Variants in XRN1 observed in about 807,000 individuals in gnomAD.
XRN1 encodes the protein strand-exchange protein 1 homolog.
In XRN1, 67 loss-of-function variants were observed where a neutral mutation model predicts 222.3. The ratio of observed to expected loss-of-function variants is 0.30; its 90% CI spans 0.25 to 0.37. The LOEUF (loss-of-function observed/expected upper bound fraction) is 0.37, where lower values mean the gene tolerates loss of function less well. Ranked by LOEUF, XRN1 falls within the 10% of genes least tolerant of loss-of-function variation. The pLI is 1.00. For synonymous variants in XRN1, 643 were observed against 652.4 expected (o/e 0.99, Z 0.22); for missense variants, 1,707 against 2,000.2 (o/e 0.85, Z 2.80).
intron 32 of XRN1, among the ~76,000 whole-genome samples, chr3:142,347,603 T>C (rs2066182191): frequency 6.8e-6 from 1 of 148,120 alleles, no homozygotes; most frequent in South Asian, 2.1e-4. Context: ...AAATGCTACT[T>C]TTTTTTTTTT....
intron 33 of XRN1, 30 bp downstream of exon 33, chr3:142,347,204 A>G (rs2066170053): frequency 7.1e-7 from 1 of 1,413,052 alleles, no homozygotes; most frequent in Non-Finnish European, 9.9e-7. Flanking sequence ...AGCAGCACAC[A>G]CAAGTACACC....
intron 25 of XRN1, among the ~76,000 whole-genome samples, chr3:142,373,355 A>G (rs912412105): frequency 1.2e-4 from 18 of 152,130 alleles, no homozygotes; most frequent in African/African-American, 4.1e-4. Flanking sequence ...TAAAAGGATC[A>G]GTCCAGAAGG....
intron 29 of XRN1, among the ~76,000 whole-genome samples, chr3:142,363,689 T>C (rs1042958711): frequency 2.0e-5 from 3 of 152,174 alleles, no homozygotes; most frequent in Admixed American, 6.5e-5. Context: ...TTGTAAATTT[T>C]ACTCTAGCTT....
Position 142,400,842 on chromosome 3 carries a change from A to C in XRN1, c.2104-295T>G, listed in dbSNP as rs1203929136. Among the ~76,000 whole-genome samples, 6 of 152,260 alleles carry C rather than the reference A, an allele frequency of 3.9e-5. No individual in the cohort carries two copies. The South Asian group carries it at 1.2e-3, about 32-fold the overall frequency. On this transcript the variant is annotated intron_variant, in intron 18 of 40. Transcript: ENST00000392981. ...TGAGGCAGCAGAATCGCTTGAACCC[A>C]GGAGGCGGAGGTTGCAGTGAGGTGA...
At chr3:142,346,821 G>T (rs1188203395) in intron 33 of XRN1, among the ~76,000 whole-genome samples, 5 of 152,134 alleles carry the variant, frequency 3.3e-5, no homozygotes, top group Non-Finnish European at 4.4e-5. Flanking sequence ...TGAATCCATG[G>T]ATGTGGAACC....
Position 142,373,665 on chromosome 3 carries a change from C to T in XRN1, c.2978+2133G>A, listed in dbSNP as rs142607132. The stretch of plus-strand genomic sequence containing the variant: ...GGCTTTATCAACAGCAATATGGAAA[C>T]GAAAGGAGAATGGAACAGTGGTTTC... On this transcript the variant is annotated intron_variant, in intron 25 of 40. Transcript: ENST00000392981. Among the ~76,000 whole-genome samples the T allele has an allele frequency of 3.2e-3, 489 of 152,166 alleles. 2 individuals carry two copies. Among genetic ancestry groups the T allele is most frequent in the African/African-American group, 9.6e-3 (398 of 41,504 alleles).
intron 1 of XRN1, among the ~76,000 whole-genome samples, chr3:142,442,203 T>C (rs56044159): frequency 0.07 from 10,607 of 152,224 alleles, 1,247 homozygotes; most frequent in African/African-American, 0.24. Context: ...TTCCTAACTT[T>C]GGAGGGAACA....
chr3:142,312,688 C>G lies in XRN1; in HGVS notation c.4692G>C (p.Gly1564=), dbSNP rs748888902. ...AATATAAAGTATGATGGAAGGGCTT[C>G]CCAGGAACTGGCACCGATGGTCCCC... ...MPWGPSVPVP[G]KPFHHTLYSG... Residue 1564 remains glycine (G), a synonymous_variant, in exon 40 of 41, where the codon GGG becomes GGC. Transcript: ENST00000392981. 1 of 1,613,900 alleles carries G rather than the reference C, an allele frequency of 6.2e-7. No homozygotes were observed. Among genetic ancestry groups the G allele is most frequent in the South Asian group, 1.1e-5 (1 of 91,070 alleles).
At chr3:142,418,929 A>G (rs761612773) in intron 10 of XRN1, 48 bp from the exon 11 acceptor site, 1 of 1,540,944 alleles carries the variant, frequency 6.5e-7, no homozygotes, top group South Asian at 1.1e-5. Context: ...TACATTTCAA[A>G]ATGAGATGTC....
chr3:142,406,693 A>AC lies in XRN1; in HGVS notation c.1714-1618_1714-1617insG, dbSNP rs1559856344. 3.6e-5 allele frequency among the ~76,000 whole-genome samples: 5 copies of AC among 140,390 alleles called. 1 individual carries two copies. Among genetic ancestry groups the AC allele is most frequent in the African/African-American group, 1.0e-4 (4 of 38,300 alleles). The allele number at this position is 140,390 out of a possible 152,430, so 92.1% of individuals were successfully genotyped here. A position where few individuals can be genotyped will look rare whatever the true frequency, so the allele number is the denominator to read the frequency against. ...AGGTATACACCACAACATCCAGTTC[A>AC]TTTTTTTTTTTTTTGGTAGAGGTTG... On this transcript the variant is annotated intron_variant, in intron 15 of 40. Coordinates refer to ENST00000392981, the MANE Select transcript of XRN1 (RefSeq NM_001282857.2).
rs2068867299 is a variant in XRN1 at position 142,418,367 on chromosome 3, CT to C, written c.1346+136del. ...TAATACCATCTTCTCCAAAACCAGA[CT>C]AGTTGAAACATACACAATAATTCAT... On this transcript the variant is annotated intron_variant, in intron 12 of 40. Transcript: ENST00000392981. 6.6e-6 allele frequency: 4 copies of C among 602,252 alleles called. No homozygotes were observed. The East Asian group carries it at 1.2e-4, about 18-fold the overall frequency. The allele number at this position is 602,252 out of a possible 1,614,324, so 37.3% of individuals were successfully genotyped here. A position where few individuals can be genotyped will look rare whatever the true frequency, so the allele number is the denominator to read the frequency against.
chr3:142,440,146 G>A (rs570544469), intron 1 of XRN1, among the ~76,000 whole-genome samples: 1 of 152,230 alleles, frequency 6.6e-6, no homozygotes, highest in South Asian at 2.1e-4. Flanking sequence ...CTGGACACTG[G>A]CACGGCCTTC....
intron 20 of XRN1, among the ~76,000 whole-genome samples, chr3:142,391,637 G>A (rs962694735): frequency 1.3e-5 from 2 of 151,528 alleles, no homozygotes; most frequent in Non-Finnish European, 2.9e-5. Flanking sequence ...GCGGAGGCAG[G>A]AGGATTGCTC....
chr3:142,374,166 G>A (rs1229750117), intron 25 of XRN1, among the ~76,000 whole-genome samples: 1 of 152,138 alleles, frequency 6.6e-6, no homozygotes, highest in Non-Finnish European at 1.5e-5. Context: ...ATCAGAAAGA[G>A]TGAGGCATGA....
chr3:142,396,571 G>A (rs1308060972), intron 20 of XRN1, among the ~76,000 whole-genome samples: 1 of 152,112 alleles, frequency 6.6e-6, no homozygotes, highest in Non-Finnish European at 1.5e-5. Flanking sequence ...CTTTGGTGTT[G>A]GATGGTTTTT....
At chr3:142,331,722 A>T (rs1276182622) in intron 36 of XRN1, among the ~76,000 whole-genome samples, 2 of 152,246 alleles carry the variant, frequency 1.3e-5, no homozygotes, top group Non-Finnish European at 2.9e-5. Context: ...TTAAGTAATC[A>T]CAAGAAGACA....
chr3:142,380,043 A>G (rs1209289797), intron 23 of XRN1, 39 bp downstream of exon 23: 2 of 1,518,692 alleles, frequency 1.3e-6, no homozygotes, highest in South Asian at 2.5e-5. Context: ...TTAAAAGTTT[A>G]TCAATTCTAA....
intron 32 of XRN1, 106 bp from the exon 33 acceptor site, chr3:142,347,448 AG>A (rs1486253446): frequency 2.7e-6 from 2 of 730,954 alleles, no homozygotes; most frequent in Admixed American, 3.6e-5. Flanking sequence ...ATAGTTCCTT[AG>A]AAAAAAACTT....
At chr3:142,359,145 A>C (rs1176242346) in intron 30 of XRN1, among the ~76,000 whole-genome samples, 1 of 152,188 alleles carries the variant, frequency 6.6e-6, no homozygotes, top group Non-Finnish European at 1.5e-5. Flanking sequence ...CTATAACTTT[A>C]AACTTTCTAT....
Sources: allele counts gnomAD v4.1 joint callset (sites outside exome capture counted in the v4.1 genomes callset), GRCh38; gene constraint gnomAD v4.1.1; transcripts MANE v1.5; gene names NCBI Gene and HGNC (gene_info 2026-07-23, HGNC 2026-07-21).